The following CDC42BPA variants were observed in gnomAD, a reference collection of about 807,000 sequenced individuals.
CDC42BPA encodes CDC42 binding protein kinase alpha.
In CDC42BPA, 80 loss-of-function variants were observed where a neutral mutation model predicts 223.5. That is an observed-to-expected ratio of 0.36 (90% confidence interval 0.30 to 0.43). The LOEUF (loss-of-function observed/expected upper bound fraction) is 0.43, where lower values mean the gene tolerates loss of function less well. Ranked by LOEUF, CDC42BPA falls within the 20% of genes least tolerant of loss-of-function variation. The pLI is 1.00. For synonymous variants in CDC42BPA, 694 were observed against 718.6 expected (o/e 0.97, Z 0.55); for missense variants, 1,743 against 2,099.9 (o/e 0.83, Z 3.32).
chr1:227,162,984 A>ATT (rs35896142), intron 5 of CDC42BPA, among the ~76,000 whole-genome samples: 75,120 of 141,078 alleles, frequency 0.53, 20,210 homozygotes, highest in South Asian at 0.63. Context: ...GTTTCCAAAC[A>ATT]TGTTTCCAAA....
At chr1:227,268,629 ATG>A (rs1380034664) in intron 1 of CDC42BPA, among the ~76,000 whole-genome samples, 21 of 135,410 alleles carry the variant, frequency 1.6e-4, no homozygotes, top group African/African-American at 3.7e-4. Flanking sequence ...TATATATAGT[ATG>A]TGTATATATA....
At chr1:227,217,548 C>T (rs1015090295) in intron 2 of CDC42BPA, among the ~76,000 whole-genome samples, 1 of 152,150 alleles carries the variant, frequency 6.6e-6, no homozygotes, top group Non-Finnish European at 1.5e-5. Flanking sequence ...ATCCTCAACA[C>T]TGAAGCCACA....
At chr1:227,253,260 G>GAGAGAGAGAGCA (rs59292557) in intron 2 of CDC42BPA, among the ~76,000 whole-genome samples, 1 of 73,318 alleles carries the variant, frequency 1.4e-5, no homozygotes, top group African/African-American at 5.5e-5. Context: ...GAGAGAGAGC[G>GAGAGAGAGAGCA]AGAGAGAGCG....
chr1:227,083,538 T>C lies in CDC42BPA; in HGVS notation c.2356-2521A>G, dbSNP rs1681162128. Among the ~76,000 whole-genome samples, 3 of 149,478 alleles carry C rather than the reference T, an allele frequency of 2.0e-5. No homozygotes were observed. The Admixed American group carries it at 2.0e-4, about 10-fold the overall frequency. On this transcript the variant is annotated intron_variant, in intron 16 of 36. Coordinates refer to ENST00000366766, the MANE Select transcript of CDC42BPA (RefSeq NM_001394014.1). Reference sequence around the variant, plus strand: ...TCTACTGACTGCCTGGTTTTTATTTTCCCTTTTTTGATTTTGTTTTTGCTG... The same window carrying C: ...TCTACTGACTGCCTGGTTTTTATTTCCCCTTTTTTGATTTTGTTTTTGCTG...
intron 1 of CDC42BPA, among the ~76,000 whole-genome samples, chr1:227,316,448 T>A (rs894223014): frequency 6.6e-6 from 1 of 152,232 alleles, no homozygotes; most frequent in Non-Finnish European, 1.5e-5. Flanking sequence ...ATTTTTAAAC[T>A]ATGTCATTTA....
chr1:227,182,215 GA>G (rs1173689591), intron 5 of CDC42BPA, among the ~76,000 whole-genome samples: 7 of 152,092 alleles, frequency 4.6e-5, no homozygotes, highest in African/African-American at 1.7e-4. Context: ...TTCGCAAAGT[GA>G]ATTCATCTTA....
rs537871563 is a variant in CDC42BPA at position 227,088,558 on chromosome 1, A to G, written c.2355+3328T>C. Among the ~76,000 whole-genome samples, 113 of 152,318 alleles carry G rather than the reference A, an allele frequency of 7.4e-4. 1 individual carries two copies. The Middle Eastern group carries it at 0.014, about 18-fold the overall frequency. ...ATTATGGGTAACTTTCATGTTAAATATTTTCCACATTTTTTGAAAATATTT... is the reference window on the plus strand; with the variant it reads ...ATTATGGGTAACTTTCATGTTAAATGTTTTCCACATTTTTTGAAAATATTT... On this transcript the variant is annotated intron_variant, in intron 16 of 36. Coordinates refer to ENST00000366766, the MANE Select transcript of CDC42BPA (RefSeq NM_001394014.1).
chr1:227,087,841 C>CT (rs1383456512), intron 16 of CDC42BPA, among the ~76,000 whole-genome samples: 23 of 152,286 alleles, frequency 1.5e-4, no homozygotes, highest in East Asian at 7.7e-4. Flanking sequence ...AGCCAGAAGT[C>CT]TATCAGCTGT....
chr1:227,017,754 A>G (rs1344454184), intron 32 of CDC42BPA, among the ~76,000 whole-genome samples: 1 of 152,182 alleles, frequency 6.6e-6, no homozygotes, highest in Non-Finnish European at 1.5e-5. Context: ...GGGACTCCCA[A>G]AACATGCTGG....
intron 21 of CDC42BPA, among the ~76,000 whole-genome samples, chr1:227,056,419 C>T (rs1480821905): frequency 6.7e-6 from 1 of 149,636 alleles, no homozygotes. Context: ...CAAGGTCTTT[C>T]TCTCTTGCCC....
chr1:227,100,777 T>TGTGTGTGTGTGTGTGTGTGC (rs777124731), intron 15 of CDC42BPA, among the ~76,000 whole-genome samples: 18 of 128,604 alleles, frequency 1.4e-4, no homozygotes, highest in Middle Eastern at 3.6e-3. Context: ...TGTGTGTGTG[T>TGTGTGTGTGTGTGTGTGTGC]GCGTGTGCCA....
chr1:227,276,066 G>C (rs796111339), intron 1 of CDC42BPA, among the ~76,000 whole-genome samples: 1 of 150,122 alleles, frequency 6.7e-6, no homozygotes, highest in African/African-American at 2.5e-5. Context: ...GCTGCCCATC[G>C]TCTGGGATGT....
chr1:227,141,484 C>T (rs994586075), intron 9 of CDC42BPA, among the ~76,000 whole-genome samples: 1 of 152,132 alleles, frequency 6.6e-6, no homozygotes, highest in African/African-American at 2.4e-5. Context: ...TTACTAGAGG[C>T]TTGCACAGTT....
chr1:227,226,469 T>C (rs931411246), intron 2 of CDC42BPA, among the ~76,000 whole-genome samples: 2 of 152,168 alleles, frequency 1.3e-5, no homozygotes, highest in Non-Finnish European at 2.9e-5. Flanking sequence ...TCATAGTCCA[T>C]AGATGGAAAG....
intron 1 of CDC42BPA, among the ~76,000 whole-genome samples, chr1:227,267,210 T>G (rs1260584062): frequency 2.0e-5 from 3 of 152,194 alleles, no homozygotes; most frequent in African/African-American, 7.2e-5. Context: ...GCATTTAGTG[T>G]TGAATGATAA....
chr1:227,255,765 A>G (rs1275670872), intron 1 of CDC42BPA, among the ~76,000 whole-genome samples: 2 of 152,364 alleles, frequency 1.3e-5, no homozygotes, highest in African/African-American at 2.4e-5. Flanking sequence ...AGACTTGTAC[A>G]TTGGAAACTA....
intron 23 of CDC42BPA, 31 bp from the exon 24 acceptor site, chr1:227,040,267 G>T (rs768060315): frequency 8.8e-5 from 122 of 1,381,462 alleles, no homozygotes; most frequent in Non-Finnish European, 1.2e-4. Context: ...AAAACACACA[G>T]ATTGTTTAAA....
At chr1:227,027,769 C>T (rs1388507300) in intron 30 of CDC42BPA, among the ~76,000 whole-genome samples, 3 of 152,174 alleles carry the variant, frequency 2.0e-5, no homozygotes, top group African/African-American at 7.2e-5. Context: ...TTCAATGGCA[C>T]ATATTCAATA....
rs759256494 is a variant in CDC42BPA at position 227,163,034 on chromosome 1, G to GTGTA, written c.600-2399_600-2398insTACA. Among the ~76,000 whole-genome samples, 788 of 137,444 alleles carry GTGTA rather than the reference G, an allele frequency of 5.7e-3. 20 individuals are homozygous for GTGTA. Among genetic ancestry groups the GTGTA allele is most frequent in the African/African-American group, 0.019 (721 of 37,338 alleles). The allele number at this position is 137,444 out of a possible 152,430, so 90.2% of individuals were successfully genotyped here. On this transcript the variant is annotated intron_variant, in intron 5 of 36. Coordinates refer to ENST00000366766, the MANE Select transcript of CDC42BPA (RefSeq NM_001394014.1). ...CAAACGTGTATGTTTCCAAACATAT[G>GTGTA]TGTTTCCAAACATATGTGTATGTTT...
Sources: allele counts gnomAD v4.1 joint callset (sites outside exome capture counted in the v4.1 genomes callset), GRCh38; gene constraint gnomAD v4.1.1; transcripts MANE v1.5; gene names NCBI Gene and HGNC (gene_info 2026-07-23, HGNC 2026-07-21).